FYN: variants seen among roughly 807,000 people sequenced by gnomAD.
FYN encodes the protein FYN proto-oncogene, Src family tyrosine kinase.
Under a neutral mutation model 70.2 loss-of-function variants are expected in FYN, and 10 were observed. That is an observed-to-expected ratio of 0.14 (90% CI 0.09 to 0.24). The LOEUF is 0.24. Among genes scored for constraint, FYN ranks in the 10% least tolerant of loss-of-function variants. FYN has a pLI of 1.00. For synonymous variants in FYN, 236 were observed against 248.6 expected (o/e 0.95, Z 0.48); for missense variants, 319 against 673.1 (o/e 0.47, Z 5.82).
At chr6:111,675,372 A>G (rs1485190148) in intron 12 of FYN, among the ~76,000 whole-genome samples, 2 of 152,186 alleles carry the variant, frequency 1.3e-5, no homozygotes, top group African/African-American at 4.8e-5. Context: ...GTGCAAATTC[A>G]TGTCAAAGTC....
intron 2 of FYN, among the ~76,000 whole-genome samples, chr6:111,836,520 T>C (rs1259167301): frequency 6.6e-6 from 1 of 152,186 alleles, no homozygotes; most frequent in Non-Finnish European, 1.5e-5. Flanking sequence ...ATCTCAGATC[T>C]TTCGAAGGTC....
At chr6:111,840,991 T>C (rs909051562) in intron 2 of FYN, among the ~76,000 whole-genome samples, 2 of 152,208 alleles carry the variant, frequency 1.3e-5, no homozygotes, top group African/African-American at 4.8e-5. Flanking sequence ...GAGCTCGTCT[T>C]GTCTCTCCAT....
chr6:111,728,122 C>T (rs1348644211), intron 3 of FYN, among the ~76,000 whole-genome samples: 1 of 152,104 alleles, frequency 6.6e-6, no homozygotes, highest in Non-Finnish European at 1.5e-5. Flanking sequence ...AGAGTAAGAA[C>T]ATTTTCTTCT....
At chr6:111,683,386 G>C (rs1478591037) in intron 12 of FYN, among the ~76,000 whole-genome samples, 1 of 152,202 alleles carries the variant, frequency 6.6e-6, no homozygotes, top group Non-Finnish European at 1.5e-5. Context: ...CCGGAGAGCT[G>C]AACTGCCAAG....
chr6:111,688,084 T>G (rs1365823897), intron 12 of FYN, among the ~76,000 whole-genome samples: 1 of 151,910 alleles, frequency 6.6e-6, no homozygotes, highest in South Asian at 2.1e-4. Context: ...CTCCAAAGTG[T>G]TGTGGGGAGG....
chr6:111,780,011 T>C (rs1771109854), intron 3 of FYN, among the ~76,000 whole-genome samples: 2 of 152,194 alleles, frequency 1.3e-5, no homozygotes, highest in South Asian at 4.2e-4. Context: ...CCGGGTCTCC[T>C]GATCCCAAAG....
At chr6:111,675,863 T>G (rs1454977655) in intron 12 of FYN, among the ~76,000 whole-genome samples, 1 of 151,618 alleles carries the variant, frequency 6.6e-6, no homozygotes, top group Non-Finnish European at 1.5e-5. Context: ...TAAAAGGGAT[T>G]CAGCAGCTTG....
At chr6:111,855,850 T>A (rs1330205482) in intron 1 of FYN, among the ~76,000 whole-genome samples, 1 of 152,188 alleles carries the variant, frequency 6.6e-6, no homozygotes, top group East Asian at 1.9e-4. Context: ...GATGCTCAAA[T>A]TTATCCCAAC....
intron 2 of FYN, among the ~76,000 whole-genome samples, chr6:111,833,761 A>C (rs972588213): frequency 6.6e-6 from 1 of 152,190 alleles, no homozygotes; most frequent in African/African-American, 2.4e-5. Flanking sequence ...ACTTTGGAAA[A>C]CAATTTGCTA....
chr6:111,865,450 A>G (rs542495952), intron 1 of FYN, among the ~76,000 whole-genome samples: 2 of 152,086 alleles, frequency 1.3e-5, no homozygotes, highest in Non-Finnish European at 2.9e-5. Context: ...TTTTCCTCCC[A>G]CGTTTTTATT....
intron 2 of FYN, among the ~76,000 whole-genome samples, chr6:111,813,193 C>G (rs907585389): frequency 1.3e-5 from 2 of 152,138 alleles, no homozygotes; most frequent in Non-Finnish European, 2.9e-5. Flanking sequence ...GATATTTTCC[C>G]TCTGCTAGAT....
Position 111,865,809 on chromosome 6 carries a change from T to C in FYN, c.-123+7159A>G, listed in dbSNP as rs1583504158. Reference sequence around the variant, plus strand: ...AAACTCGAGGGATTTCCATTGTAAATAGGTTAAAATTCTGGTTATCTGACT... The same window carrying C: ...AAACTCGAGGGATTTCCATTGTAAACAGGTTAAAATTCTGGTTATCTGACT... On this transcript the variant is annotated intron_variant, in intron 1 of 13. Coordinates refer to ENST00000354650, the MANE Select transcript of FYN (RefSeq NM_002037.5). Among the ~76,000 whole-genome samples the C allele has an allele frequency of 2.6e-5, 4 of 152,302 alleles. No homozygotes were observed. The South Asian group carries it at 6.2e-4, about 24-fold the overall frequency.
intron 12 of FYN, among the ~76,000 whole-genome samples, chr6:111,688,954 AT>A (rs1253872456): frequency 1.3e-5 from 2 of 151,946 alleles, no homozygotes; most frequent in Non-Finnish European, 2.9e-5. Context: ...GGGAGACAGT[AT>A]TTTTTTTCTT....
chr6:111,709,830 G>C (rs973944955), intron 5 of FYN, among the ~76,000 whole-genome samples: 6 of 152,106 alleles, frequency 3.9e-5, no homozygotes, highest in Non-Finnish European at 7.4e-5. Context: ...CTCCCCTATT[G>C]TAAGCACCCC....
intron 3 of FYN, among the ~76,000 whole-genome samples, chr6:111,761,324 C>T (rs1424286116): frequency 6.6e-6 from 1 of 152,190 alleles, no homozygotes; most frequent in African/African-American, 2.4e-5. Flanking sequence ...ATTCCCAGGT[C>T]TGATTGCAAA....
At chr6:111,745,894 C>T (rs1322436998) in intron 3 of FYN, among the ~76,000 whole-genome samples, 2 of 152,302 alleles carry the variant, frequency 1.3e-5, no homozygotes, top group East Asian at 3.9e-4. Context: ...TAATGTTTCC[C>T]CTGTGCAACT....
In FYN at chr6:111,694,661, C is replaced by T; in HGVS notation, c.1086G>A (p.Leu362=). The change falls in exon 11 of 14, where the codon CTG becomes CTA. Residue 362 remains leucine, a synonymous_variant. Coordinates refer to ENST00000354650, the MANE Select transcript of FYN (RefSeq NM_002037.5). The surrounding 1 kb of genome is among the most constrained non-coding windows in gnomAD (Gnocchi z 5.0). ...DFLKDGEGRA[L]KLPNLVDMAA... ...CCATGTCCACAAGATTTGGTAATTT[C>T]AGAGCTCTTCCTTCTCCATCTTTTA... 6.2e-7 allele frequency: 1 copy of T among 1,614,148 alleles called. No homozygotes were observed. The highest frequency in any genetic ancestry group is 8.5e-7 in the Non-Finnish European group (1 of 1,180,030).
chr6:111,761,748 G>A (rs777876295), intron 3 of FYN, among the ~76,000 whole-genome samples: 17 of 152,184 alleles, frequency 1.1e-4, no homozygotes, highest in Non-Finnish European at 2.2e-4. Context: ...GCAAGCTTAG[G>A]AGGAAGAACA....
chr6:111,852,872 A>G (rs1773721847), intron 1 of FYN, among the ~76,000 whole-genome samples: 1 of 152,214 alleles, frequency 6.6e-6, no homozygotes, highest in Non-Finnish European at 1.5e-5. Flanking sequence ...AAACGATGTC[A>G]TAGTGTGTAA....
Sources: allele counts gnomAD v4.1 joint callset (sites outside exome capture counted in the v4.1 genomes callset), GRCh38; gene constraint gnomAD v4.1.1; non-coding constraint Gnocchi (gnomAD v3.1); transcripts MANE v1.5; gene names NCBI Gene and HGNC (gene_info 2026-07-23, HGNC 2026-07-21).